MICU3: variants seen among roughly 807,000 people sequenced by gnomAD.
MICU3 encodes mitochondrial calcium uptake 3.
In MICU3, 62 loss-of-function variants were observed where a neutral mutation model predicts 66.5. The observed-to-expected ratio is 0.93, with a 90% CI of 0.76 to 1.15. The LOEUF (loss-of-function observed/expected upper bound fraction) is 1.15. Among genes scored for constraint, MICU3 ranks in the 50% most tolerant of loss-of-function variants. The pLI, the probability that MICU3 is intolerant of heterozygous loss-of-function variation, is 0.00. For missense variants in MICU3, 779 were observed against 664.4 expected (o/e 1.17, Z -1.90); for synonymous variants, 308 against 240.7 (o/e 1.28, Z -2.59).
chr8:17,122,017 C>G lies in MICU3; in HGVS notation c.*1730C>G, dbSNP rs1198854921. ...CTTTAATCCTTGACTATAAGTTATA[C>G]TATGTTGCGTACATGGCAAATCCTG... On this transcript the variant is annotated 3_prime_UTR_variant, in exon 15 of 15. Coordinates refer to ENST00000318063, the MANE Select transcript of MICU3 (RefSeq NM_181723.3). 1 of 151,770 alleles carries G rather than the reference C, an allele frequency of 6.6e-6. No individual in the cohort carries two copies. Among genetic ancestry groups the G allele is most frequent in the Non-Finnish European group, 1.5e-5 (1 of 67,738 alleles). 9.4% of individuals were successfully genotyped at this position (151,770 alleles called of 1,614,324 possible).
chr8:17,130,814 G>A, the MICU3 span, among the ~76,000 whole-genome samples: 3 of 152,156 alleles, frequency 2.0e-5, no homozygotes, highest in African/African-American at 7.2e-5. Context: ...AAATAGCAAA[G>A]TGATTACATA....
chr8:17,062,596 T>A (rs1395354740), intron 1 of MICU3, among the ~76,000 whole-genome samples: 1 of 152,232 alleles, frequency 6.6e-6, no homozygotes, highest in South Asian at 2.1e-4. Flanking sequence ...GTTTTTGTTA[T>A]GGCTTCTCAA....
intron 1 of MICU3, among the ~76,000 whole-genome samples, chr8:17,045,801 G>A (rs1252200811): frequency 6.6e-6 from 1 of 152,190 alleles, no homozygotes; most frequent in African/African-American, 2.4e-5. Flanking sequence ...CATCTTACAT[G>A]GAGGCAGACA....
At chr8:17,063,025 A>G (rs1818102122) in intron 1 of MICU3, among the ~76,000 whole-genome samples, 1 of 152,218 alleles carries the variant, frequency 6.6e-6, no homozygotes, top group African/African-American at 2.4e-5. Flanking sequence ...TTATACTATA[A>G]ACATTTTCTA....
chr8:17,050,648 C>CT (rs1815918591), intron 1 of MICU3, among the ~76,000 whole-genome samples: 1 of 152,148 alleles, frequency 6.6e-6, no homozygotes, highest in South Asian at 2.1e-4. Context: ...TTGCTATTCT[C>CT]TAACAGTTTT....
chr8:17,039,455 A>G (rs1448667081), intron 1 of MICU3, among the ~76,000 whole-genome samples: 2 of 152,202 alleles, frequency 1.3e-5, no homozygotes, highest in African/African-American at 4.8e-5. Flanking sequence ...CCCCTCTCTT[A>G]GTTTCTTCAA....
chr8:17,051,237 T>C (rs1422682345), intron 1 of MICU3, among the ~76,000 whole-genome samples: 4 of 152,136 alleles, frequency 2.6e-5, no homozygotes, highest in Admixed American at 6.6e-5. Flanking sequence ...AATTTTTTTA[T>C]ATTTTAATTT....
intron 1 of MICU3, among the ~76,000 whole-genome samples, chr8:17,041,655 T>C (rs764889658): frequency 1.5e-4 from 23 of 151,568 alleles, no homozygotes; most frequent in Admixed American, 7.2e-4. Context: ...AAAAAGAAGA[T>C]TAAATTTAAA....
At chr8:17,065,636 A>T (rs540299429) in intron 2 of MICU3, among the ~76,000 whole-genome samples, 185 of 152,338 alleles carry the variant, frequency 1.2e-3, no homozygotes, top group Middle Eastern at 3.4e-3. Flanking sequence ...CAGAATTGCC[A>T]ATTGAGTGCA....
At chr8:17,076,870 G>A (rs1820461035) in intron 3 of MICU3, among the ~76,000 whole-genome samples, 1 of 152,202 alleles carries the variant, frequency 6.6e-6, no homozygotes, top group African/African-American at 2.4e-5. Context: ...AGGAGTGGGT[G>A]TCAGATCTGA....
At chr8:17,069,455 GA>G (rs1819214293) in intron 2 of MICU3, among the ~76,000 whole-genome samples, 2 of 152,028 alleles carry the variant, frequency 1.3e-5, no homozygotes, top group African/African-American at 4.8e-5. Flanking sequence ...CGGCTGTGGA[GA>G]AATGTTTCCT....
Position 17,114,164 on chromosome 8 carries a change from G to T in MICU3, c.1329G>T (p.Leu443=), listed in dbSNP as rs376197623. ...LNNLEDFAIA[L]NMYNFASRSI... ...ACCTAGAAGACTTTGCAATAGCCCT[G>T]AATATGTATAACTTTGCAAGTCGTT... The change falls in exon 12 of 15, where the codon CTG becomes CTT. Residue 443 remains leucine, a synonymous_variant. Coordinates refer to ENST00000318063, the MANE Select transcript of MICU3 (RefSeq NM_181723.3). 2.2e-5 allele frequency: 36 copies of T among 1,611,998 alleles called. No homozygotes were observed. The African/African-American group carries it at 4.1e-4, about 19-fold the overall frequency.
chr8:17,067,199 C>T (rs573248000), intron 2 of MICU3, among the ~76,000 whole-genome samples: 2 of 152,268 alleles, frequency 1.3e-5, no homozygotes, highest in South Asian at 4.1e-4. Context: ...AGTATTAAAT[C>T]AGATATGTTA....
At chr8:17,115,115 T>A (rs1802562454) in intron 12 of MICU3, among the ~76,000 whole-genome samples, 2 of 85,516 alleles carry the variant, frequency 2.3e-5, no homozygotes, top group Non-Finnish European at 4.4e-5. Context: ...CGAGACTCCG[T>A]CTCAAAAAAA....
chr8:17,101,654 G>A (rs1021294560), intron 9 of MICU3, among the ~76,000 whole-genome samples: 1 of 151,798 alleles, frequency 6.6e-6, no homozygotes, highest in African/African-American at 2.4e-5. Context: ...TCTTGAAAAG[G>A]ACATCCCACA....
intron 13 of MICU3, 122 bp from the exon 14 acceptor site, chr8:17,118,585 C>G: frequency 1.8e-6 from 1 of 562,104 alleles, no homozygotes; most frequent in Non-Finnish European, 3.1e-6. Context: ...CTTCCAGCCT[C>G]TGGTAATTAA....
intron 7 of MICU3, among the ~76,000 whole-genome samples, chr8:17,088,562 TAATG>T (rs1300161395): frequency 6.6e-6 from 1 of 151,986 alleles, no homozygotes; most frequent in African/African-American, 2.4e-5. Flanking sequence ...TGAATAATGT[TAATG>T]AATCTATTGA....
At position 17,064,364 on chromosome 8, in the gene MICU3, A is replaced by G. The variant is rs557088883; in HGVS notation, c.535+127A>G. ...GTGGTATTTCACATGATATTGTGCTATTCAGTGTTACAGACTGATATTTCT... is the reference window on the plus strand; with the variant it reads ...GTGGTATTTCACATGATATTGTGCTGTTCAGTGTTACAGACTGATATTTCT... On this transcript the variant is annotated intron_variant, in intron 2 of 14. Transcript: ENST00000318063. The G allele has an allele frequency of 2.4e-4, 154 of 641,992 alleles. 1 individual carries two copies. The highest frequency in any genetic ancestry group is 3.5e-4 in the Non-Finnish European group (142 of 400,238). The allele number at this position is 641,992 out of a possible 1,614,324, so 39.8% of individuals were successfully genotyped here.
At chr8:17,059,374 T>C (rs1734102594) in intron 1 of MICU3, among the ~76,000 whole-genome samples, 1 of 152,188 alleles carries the variant, frequency 6.6e-6, no homozygotes, top group South Asian at 2.1e-4. Context: ...AGGTAGAAGA[T>C]AATTATCAAA....
Sources: allele counts gnomAD v4.1 joint callset (sites outside exome capture counted in the v4.1 genomes callset), GRCh38; gene constraint gnomAD v4.1.1; transcripts MANE v1.5; gene names NCBI Gene and HGNC (gene_info 2026-07-23, HGNC 2026-07-21).